Variants in INPP5A observed in about 807,000 individuals in gnomAD.
INPP5A encodes inositol polyphosphate-5-phosphatase A, also known as 43 kDa inositol polyphosphate 5-phophatase.
In INPP5A, 14 loss-of-function variants were observed where a neutral mutation model predicts 65.2. The ratio of observed to expected loss-of-function variants is 0.21; its 90% CI spans 0.14 to 0.34. INPP5A has a LOEUF of 0.34. Among genes scored for constraint, INPP5A ranks in the 10% least tolerant of loss-of-function variants. The pLI, the probability that INPP5A is intolerant of heterozygous loss-of-function variation, is 1.00. For missense variants in INPP5A, 431 were observed against 545.6 expected (o/e 0.79, Z 2.09); for synonymous variants, 207 against 208.3 (o/e 0.99, Z 0.05).
chr10:132,542,642 C>G (rs188372979), intron 1 of INPP5A, among the ~76,000 whole-genome samples: 1 of 152,156 alleles, frequency 6.6e-6, no homozygotes, highest in South Asian at 2.1e-4. Context: ...CACTCCTGCA[C>G]AGCAGGGCCC....
At position 132,678,090 on chromosome 10, in the gene INPP5A, G is replaced by T. The variant is rs542238383; in HGVS notation, c.307-12302G>T. Among the ~76,000 whole-genome samples, 1 of 152,192 alleles carries T rather than the reference G, an allele frequency of 6.6e-6. No individual in the cohort carries two copies. Among genetic ancestry groups the T allele is most frequent in the East Asian group, 1.9e-4 (1 of 5,196 alleles). On this transcript the variant is annotated intron_variant, in intron 4 of 15. Transcript: ENST00000368594. This position sits in a 1 kb window ranked among gnomAD's most constrained non-coding sequence, Gnocchi z 4.1. ...GGGGACACCTTGGTGCCGTCATCCC[G>T]TTTGGCCCCAGGAGCTGAAATTGGA...
chr10:132,775,337 C>A (rs373931322), intron 12 of INPP5A, among the ~76,000 whole-genome samples: 3 of 151,998 alleles, frequency 2.0e-5, no homozygotes, highest in Non-Finnish European at 2.9e-5. Flanking sequence ...TGCCTCCCCC[C>A]CCACCCAGCA....
chr10:132,771,662 A>G (rs1392454050), intron 12 of INPP5A, among the ~76,000 whole-genome samples: 76 of 111,760 alleles, frequency 6.8e-4, no homozygotes, highest in Admixed American at 1.6e-3. Flanking sequence ...CGCCCCGCGA[A>G]GAGTGGGACA....
rs1365127985 is a variant in INPP5A, at chr10:132,659,250, G to T, written c.306+8745G>T. On this transcript the variant is annotated intron_variant, in intron 4 of 15. Transcript: ENST00000368594. This position sits in a 1 kb window ranked among gnomAD's most constrained non-coding sequence, Gnocchi z 5.5. ...GAGGAAGCAGGAAGTCCTGTCAGGA[G>T]CTGGAGCACTGAGAAAGGCACCTTG... Among the ~76,000 whole-genome samples, 2 of 152,248 alleles carry T rather than the reference G, an allele frequency of 1.3e-5. No individual in the cohort carries two copies. Among genetic ancestry groups the T allele is most frequent in the East Asian group, 1.9e-4 (1 of 5,200 alleles).
At position 132,726,849 on chromosome 10, in the gene INPP5A, T is replaced by C; in HGVS notation, c.676T>C (p.Ser226Pro). Reference protein sequence around the residue: ...RIIDQRFEKVSYFVFGDFNFR... With the variant: ...RIIDQRFEKVPYFVFGDFNFR... ...CATTGATCAGCGATTCGAGAAGGTT[T>C]CCTACTTTGTATTTGGTGATTTCAA... is the stretch of plus-strand genomic sequence containing the variant. Residue 226 changes from serine to proline, a missense_variant, in exon 9 of 16, where the codon TCC becomes CCC. Ser to Pro is a moderately conservative substitution (Grantham distance 74). Transcript: ENST00000368594. The C allele has an allele frequency of 6.2e-7, 1 of 1,608,950 alleles. No individual in the cohort carries two copies. The highest frequency in any genetic ancestry group is 8.5e-7 in the Non-Finnish European group (1 of 1,176,384).
chr10:132,720,901 T>A (rs1365503827), intron 8 of INPP5A, among the ~76,000 whole-genome samples: 3 of 147,978 alleles, frequency 2.0e-5, no homozygotes, highest in South Asian at 2.2e-4. Flanking sequence ...TCTGGGCGCC[T>A]TAGACGGCTG....
chr10:132,571,050 C>G (rs1399385061), intron 1 of INPP5A, among the ~76,000 whole-genome samples: 1 of 152,252 alleles, frequency 6.6e-6, no homozygotes, highest in African/African-American at 2.4e-5. Context: ...TCTCCAAACC[C>G]CTCCTGCTGC....
intron 6 of INPP5A, among the ~76,000 whole-genome samples, chr10:132,702,718 C>T (rs972815904): frequency 1.3e-5 from 2 of 152,198 alleles, no homozygotes; most frequent in Non-Finnish European, 2.9e-5. Flanking sequence ...ACATGGGAAG[C>T]GCTTGCCTCC....
chr10:132,629,450 C>T (rs981513087), intron 2 of INPP5A, among the ~76,000 whole-genome samples: 2 of 152,228 alleles, frequency 1.3e-5, no homozygotes, highest in Non-Finnish European at 1.5e-5. Context: ...AAAATCTCAT[C>T]GTACATCTTT....
At chr10:132,729,876 C>T (rs1564987863) in intron 9 of INPP5A, among the ~76,000 whole-genome samples, 1 of 152,206 alleles carries the variant, frequency 6.6e-6, no homozygotes, top group Non-Finnish European at 1.5e-5. Context: ...AACAGTTCTC[C>T]AGAAACTGCC....
intron 2 of INPP5A, among the ~76,000 whole-genome samples, chr10:132,634,749 C>T (rs1039897572): frequency 2.0e-5 from 3 of 152,266 alleles, no homozygotes; most frequent in Admixed American, 1.3e-4. Context: ...TCTTCTTCGT[C>T]TCCTGGAGCC....
intron 11 of INPP5A, among the ~76,000 whole-genome samples, chr10:132,763,489 A>G (rs984215300): frequency 6.6e-6 from 1 of 152,264 alleles, no homozygotes; most frequent in African/African-American, 2.4e-5. Context: ...AAATGCCTGC[A>G]TGCAAAGACA....
chr10:132,732,504 G>A (rs956915259), intron 9 of INPP5A, among the ~76,000 whole-genome samples: 2 of 152,238 alleles, frequency 1.3e-5, no homozygotes, highest in Admixed American at 1.3e-4. Context: ...AATAAGGACC[G>A]CTTTTCCCTC....
At chr10:132,690,537 C>G in intron 5 of INPP5A, 82 bp downstream of exon 5, 1 of 1,051,808 alleles carries the variant, frequency 9.5e-7, no homozygotes, top group Non-Finnish European at 1.5e-6. Flanking sequence ...CTCTCCTGCC[C>G]TGTCTCTGTG....
rs186419486 is a variant in INPP5A at position 132,540,394 on chromosome 10, A to G, written c.75+2223A>G. Among the ~76,000 whole-genome samples the G allele has an allele frequency of 3.5e-3, 529 of 152,336 alleles. 2 individuals are homozygous for G. Among genetic ancestry groups the G allele is most frequent in the Non-Finnish European group, 5.5e-3 (375 of 68,034 alleles). On this transcript the variant is annotated intron_variant, in intron 1 of 15. Transcript: ENST00000368594. ...AATTTTGCATTATGTTTATGTTTAGAAGGAACATTTGTTTAGGTCAACAGT... is the reference window on the plus strand; with the variant it reads ...AATTTTGCATTATGTTTATGTTTAGGAGGAACATTTGTTTAGGTCAACAGT...
chr10:132,751,884 T>C (rs11146503), intron 11 of INPP5A, among the ~76,000 whole-genome samples: 4,673 of 39,486 alleles, frequency 0.12, 159 homozygotes, highest in African/African-American at 0.23. Context: ...GGCGGGTGCC[T>C]AGGAGGTGTC....
At chr10:132,649,032 G>GC (rs1433091856) in intron 3 of INPP5A, among the ~76,000 whole-genome samples, 45 of 152,226 alleles carry the variant, frequency 3.0e-4, no homozygotes, top group South Asian at 1.7e-3. Flanking sequence ...GCCTGGTTCT[G>GC]CCCCACAGGG....
rs991452622 is a variant in INPP5A, at chr10:132,594,685, T to G, written c.76-13230T>G. ...GTGCATATGTGTGGCGTGGTGGGTG[T>G]GTGTGTGCCTGCACGTGTGTGGCAT... On this transcript the variant is annotated intron_variant, in intron 1 of 15. Transcript: ENST00000368594. Among the ~76,000 whole-genome samples, 4 of 151,928 alleles carry G rather than the reference T, an allele frequency of 2.6e-5. No individual in the cohort carries two copies. The East Asian group carries it at 7.7e-4, about 29-fold the overall frequency.
chr10:132,656,691 G>T (rs993286817), intron 4 of INPP5A, among the ~76,000 whole-genome samples: 1 of 152,234 alleles, frequency 6.6e-6, no homozygotes, highest in South Asian at 2.1e-4. Flanking sequence ...CAGGTGAGCC[G>T]GTCCTGAAGG....
Sources: gnomAD v4.1 joint callset for allele counts (sites outside exome capture counted in the v4.1 genomes callset) on GRCh38, gnomAD v4.1.1 for gene constraint, Gnocchi (gnomAD v3.1) non-coding constraint, MANE v1.5 for transcripts, NCBI Gene and HGNC (gene_info 2026-07-23, HGNC 2026-07-21) for gene names.